Variants in PLAC1 observed in about 807,000 individuals in gnomAD.
PLAC1 encodes placenta-specific protein 1.
For missense variants in PLAC1, 136 were observed against 163.2 expected (o/e 0.83, Z 0.91); for synonymous variants, 68 against 62.1 (o/e 1.09, Z -0.44).
At chrX:134,678,558 G>C (rs1378567107) in intron 2 of PLAC1, among the ~76,000 whole-genome samples, 1 of 111,082 alleles carries the variant, frequency 9.0e-6, no homozygotes, top group African/African-American at 3.3e-5. Context: ...TTTCTCTCTA[G>C]CACTTATCAC....
intron 2 of PLAC1, among the ~76,000 whole-genome samples, chrX:134,715,782 A>G (rs758025821): frequency 8.9e-6 from 1 of 112,621 alleles, no homozygotes; most frequent in South Asian, 3.7e-4. Context: ...TAGATACCTG[A>G]GTGACACTAG....
intron 2 of PLAC1, among the ~76,000 whole-genome samples, chrX:134,580,269 G>A (rs1329812166): frequency 1.8e-5 from 2 of 112,062 alleles, no homozygotes; most frequent in South Asian, 7.4e-4. Flanking sequence ...TGAGATTCCC[G>A]CAGAAAGAAG....
chrX:134,724,142 A>G (rs1304779611), intron 2 of PLAC1, among the ~76,000 whole-genome samples: 4 of 112,244 alleles, frequency 3.6e-5, no homozygotes, highest in Non-Finnish European at 7.5e-5. Flanking sequence ...GCCAGGTGGG[A>G]TCCTAGATTG....
chrX:134,566,103 A>G lies in PLAC1; in HGVS notation c.580T>C (p.Phe194Leu), dbSNP rs771993737. 3 of 1,209,737 alleles carry G rather than the reference A, an allele frequency of 2.5e-6. No homozygotes were observed. Among genetic ancestry groups the G allele is most frequent in the Non-Finnish European group, 3.4e-6 (3 of 893,579 alleles). Residue 194 changes from phenylalanine to leucine, a missense_variant, in exon 3 of 3, where the codon TTT becomes CTT. Phe to Leu is a conservative substitution (Grantham distance 22, BLOSUM62 0). Coordinates refer to ENST00000359237, the MANE Select transcript of PLAC1 (RefSeq NM_021796.4). ...GACCAATCCTCAGAAATATCAAGAA[A>G]GTGAGATGGCTGCAGAGGTTGAGCC... Reference protein sequence around the residue: ...QEAQPLQPSHFLDISEDWSLH... With the variant: ...QEAQPLQPSHLLDISEDWSLH...
chrX:134,604,565 A>C (rs770797634), intron 1 of PLAC1: 2 of 112,244 alleles, frequency 1.8e-5, no homozygotes, highest in African/African-American at 6.5e-5. Flanking sequence ...AGCCATCATC[A>C]AATTAAAAAG....
intron 1 of PLAC1, among the ~76,000 whole-genome samples, chrX:134,617,005 G>A (rs990214079): frequency 3.8e-5 from 4 of 106,561 alleles, no homozygotes; most frequent in African/African-American, 1.4e-4. Flanking sequence ...TGGGGGGGTG[G>A]GGAGACTGGG....
intron 2 of PLAC1, among the ~76,000 whole-genome samples, chrX:134,718,495 G>C (rs1362917301): frequency 8.9e-6 from 1 of 112,315 alleles, no homozygotes; most frequent in Non-Finnish European, 1.9e-5. Context: ...TCACGTTCAG[G>C]GAATTTGGAC....
intron 1 of PLAC1, among the ~76,000 whole-genome samples, chrX:134,605,247 G>A (rs1342332400): frequency 9.0e-6 from 1 of 111,363 alleles, no homozygotes; most frequent in Non-Finnish European, 1.9e-5. Flanking sequence ...TTGAGCCTGT[G>A]ACAAAGACAG....
At chrX:134,623,908 T>G (rs770918478) in intron 1 of PLAC1, among the ~76,000 whole-genome samples, 1 of 112,054 alleles carries the variant, frequency 8.9e-6, no homozygotes, top group Non-Finnish European at 1.9e-5. Flanking sequence ...TATATAAAAT[T>G]AGTTTCCCCA....
intron 2 of PLAC1, among the ~76,000 whole-genome samples, chrX:134,704,503 A>C (rs776121772): frequency 3.0e-3 from 320 of 105,299 alleles, no homozygotes; most frequent in African/African-American, 0.011. Flanking sequence ...AAAAAAAAAA[A>C]AACAAAATAA....
At chrX:134,744,664 A>G (rs2078725342) in intron 1 of PLAC1, among the ~76,000 whole-genome samples, 1 of 112,090 alleles carries the variant, frequency 8.9e-6, no homozygotes, top group Admixed American at 9.4e-5. Flanking sequence ...ACTACTTATG[A>G]GTTTTGGCTT....
At chrX:134,629,706 C>T (rs967508600) in intron 1 of PLAC1, among the ~76,000 whole-genome samples, 6 of 111,434 alleles carry the variant, frequency 5.4e-5, no homozygotes, top group Non-Finnish European at 9.4e-5. Context: ...AGAGTCACTG[C>T]TCAAAAGTCC....
intron 2 of PLAC1, among the ~76,000 whole-genome samples, chrX:134,581,601 C>A (rs897515455): frequency 8.4e-5 from 9 of 107,441 alleles, no homozygotes; most frequent in African/African-American, 3.1e-4. Flanking sequence ...GCCTCAGCCC[C>A]CCGAGTAGCT....
chrX:134,638,307 A>G (rs2078292695), intron 1 of PLAC1, among the ~76,000 whole-genome samples: 2 of 112,294 alleles, frequency 1.8e-5, no homozygotes, highest in African/African-American at 6.5e-5. Context: ...ATATTATTTT[A>G]TAAAACAAGA....
At chrX:134,593,329 G>T (rs956819803) in intron 2 of PLAC1, among the ~76,000 whole-genome samples, 1 of 111,739 alleles carries the variant, frequency 8.9e-6, no homozygotes, top group Non-Finnish European at 1.9e-5. Flanking sequence ...TATATGATAG[G>T]GTCAACTGAT....
chrX:134,652,018 C>T (rs1370184799), intron 1 of PLAC1, among the ~76,000 whole-genome samples: 1 of 111,581 alleles, frequency 9.0e-6, no homozygotes, highest in Admixed American at 9.5e-5. Flanking sequence ...TGTGCTGTAT[C>T]CAAAGTACCT....
At chrX:134,590,905 G>A (rs2078036607) in intron 2 of PLAC1, among the ~76,000 whole-genome samples, 2 of 89,077 alleles carry the variant, frequency 2.2e-5, no homozygotes, top group South Asian at 1.2e-3. Flanking sequence ...TTACAGGCAT[G>A]AGCCACCACA....
At chrX:134,608,598 AGTGGTG>A (rs1045060176) in intron 1 of PLAC1, among the ~76,000 whole-genome samples, 3 of 111,647 alleles carry the variant, frequency 2.7e-5, no homozygotes, top group Non-Finnish European at 3.8e-5. Flanking sequence ...TTCTGGAAAT[AGTGGTG>A]GTGGTTGGAG....
chrX:134,573,092 G>C (rs1338536185), intron 2 of PLAC1, among the ~76,000 whole-genome samples: 1 of 110,983 alleles, frequency 9.0e-6, no homozygotes, highest in Non-Finnish European at 1.9e-5. Flanking sequence ...ACACAACAAG[G>C]GTAAACCATG....
Sources: gnomAD v4.1 joint callset for allele counts (sites outside exome capture counted in the v4.1 genomes callset) on GRCh38, gnomAD v4.1.1 for gene constraint, MANE v1.5 for transcripts, NCBI Gene and HGNC (gene_info 2026-07-23, HGNC 2026-07-21) for gene names.